The following CD200 variants were observed in gnomAD, a reference collection of about 807,000 sequenced individuals.
The protein encoded by CD200 is OX-2 membrane glycoprotein.
A neutral mutation model predicts 30.9 loss-of-function variants in CD200; 15 were observed. The observed-to-expected ratio is 0.49, with a 90% CI of 0.32 to 0.75. The LOEUF is 0.75. CD200 is among the 30% of genes least tolerant of loss of function. The probability of loss-of-function intolerance (pLI) is 0.03; values close to 1 mark genes in which losing one functional copy is unlikely to be tolerated. For synonymous variants in CD200, 134 were observed against 126.2 expected (o/e 1.06, Z -0.41); for missense variants, 262 against 324.2 (o/e 0.81, Z 1.47).
At chr3:112,349,090 G>C (rs368591579) in intron 4 of CD200, among the ~76,000 whole-genome samples, 1 of 152,138 alleles carries the variant, frequency 6.6e-6, no homozygotes, top group Non-Finnish European at 1.5e-5. Context: ...CCATTATGGA[G>C]GTATGGAGAA....
chr3:112,335,881 C>T (rs2081103863), intron 1 of CD200: 6 of 1,227,658 alleles, frequency 4.9e-6, no homozygotes, highest in East Asian at 2.3e-5. Flanking sequence ...ACAAGTTGGC[C>T]CCAAGAGAGC....
At chr3:112,333,992 G>T in intron 1 of CD200, 1 of 985,374 alleles carries the variant, frequency 1.0e-6, no homozygotes, top group Non-Finnish European at 1.2e-6. Context: ...TACAGTGAAT[G>T]CCTCAAGATA....
In CD200 at chr3:112,361,701, G is replaced by A. The variant is rs1232710250; in HGVS notation, c.*151G>A. The A allele has an allele frequency of 3.5e-5, 26 of 739,830 alleles. No homozygotes were observed. The highest frequency in any genetic ancestry group is 6.4e-5 in the Non-Finnish European group (26 of 407,824). The allele number at this position is 739,830 out of a possible 1,614,324, so 45.8% of individuals were successfully genotyped here. On this transcript the variant is annotated 3_prime_UTR_variant, in exon 6 of 6. Transcript: ENST00000315711. ...CTTAAGGATCCCACGACTTTTTACT[G>A]CCATCTGAGCTACTCAGTGTTTGAA...
intron 2 of CD200, among the ~76,000 whole-genome samples, chr3:112,342,883 C>T (rs1005956332): frequency 2.6e-5 from 4 of 152,118 alleles, no homozygotes; most frequent in South Asian, 2.1e-4. Flanking sequence ...CAAGGCCATA[C>T]GTAGGGTAGC....
At chr3:112,353,292 T>C (rs1377171724) in intron 5 of CD200, among the ~76,000 whole-genome samples, 1 of 148,718 alleles carries the variant, frequency 6.7e-6, no homozygotes, top group African/African-American at 2.5e-5. Flanking sequence ...TTAGGCAGCT[T>C]TATTTTGTTT....
At chr3:112,332,919 A>AAAAATG, upstream of CD200, 1 of 512,552 alleles carries the variant, frequency 2.0e-6, no homozygotes, top group Non-Finnish European at 3.4e-6. Context: ...TGGAAAAAAA[A>AAAAATG]AAATGATTTT....
Position 112,342,422 on chromosome 3 carries a change from TTTCTTTC to T in CD200, c.94+1444_94+1450del, listed in dbSNP as rs1559783616. On this transcript the variant is annotated intron_variant, in intron 2 of 5. Coordinates refer to ENST00000315711, the MANE Select transcript of CD200 (RefSeq NM_005944.7). Reference sequence around the variant, plus strand: ...CTTTCTTTCTTTCTTTCTTTCTTTCTTTCTTTCTTCTCTCTCTTTCTATGAAATTTCA... The same window carrying T: ...CTTTCTTTCTTTCTTTCTTTCTTTCTTTCTCTCTCTTTCTATGAAATTTCA... Among the ~76,000 whole-genome samples the T allele has an allele frequency of 1.2e-3, 112 of 90,084 alleles. 17 individuals are homozygous for T. Among genetic ancestry groups the T allele is most frequent in the African/African-American group, 4.4e-3 (108 of 24,334 alleles). The allele number at this position is 90,084 out of a possible 152,430, so 59.1% of individuals were successfully genotyped here.
At chr3:112,334,364 G>A in intron 1 of CD200, 6 of 431,940 alleles carry the variant, frequency 1.4e-5, no homozygotes, top group Non-Finnish European at 1.5e-5. Context: ...GGGCTTCTTT[G>A]TTTTCAGGAC....
chr3:112,360,333 A>AAAAAAAAATATATAT (rs879786648), intron 5 of CD200, among the ~76,000 whole-genome samples: 1 of 141,196 alleles, frequency 7.1e-6, no homozygotes, highest in African/African-American at 2.5e-5. Context: ...ATCTAAAAAA[A>AAAAAAAAATATATAT]ATATATATAT....
At chr3:112,339,929 C>T (rs2081200291) in intron 1 of CD200, among the ~76,000 whole-genome samples, 1 of 152,128 alleles carries the variant, frequency 6.6e-6, no homozygotes, top group African/African-American at 2.4e-5. Flanking sequence ...TGTGAACCCC[C>T]AGGAATGCAG....
intron 5 of CD200, among the ~76,000 whole-genome samples, chr3:112,350,557 A>T (rs1399197058): frequency 2.0e-5 from 3 of 152,238 alleles, no homozygotes; most frequent in Non-Finnish European, 2.9e-5. Flanking sequence ...AGCTAGATAG[A>T]GAGGAAGAAT....
chr3:112,351,493 G>A (rs1168396865), intron 5 of CD200, among the ~76,000 whole-genome samples: 1 of 152,094 alleles, frequency 6.6e-6, no homozygotes, highest in Non-Finnish European at 1.5e-5. Context: ...GATTTTCTGG[G>A]AAATATAGTC....
upstream of CD200, chr3:112,332,892 T>A (rs1253525678): frequency 7.5e-6 from 3 of 399,814 alleles, no homozygotes; most frequent in Non-Finnish European, 1.4e-5. Flanking sequence ...CCTTTCTCAG[T>A]CCAGGTAGCA....
rs552063267 is a variant in CD200 at position 112,361,584 on chromosome 3, G to T, written c.*34G>T. The stretch of plus-strand genomic sequence containing the variant: ...CACAGCACCCTGAAAGTGATTCCCT[G>T]GTCTACTTGAATTTGACACAAGAGA... On this transcript the variant is annotated 3_prime_UTR_variant, in exon 6 of 6. Transcript: ENST00000315711. 3 of 1,593,204 alleles carry T rather than the reference G, an allele frequency of 1.9e-6. No individual in the cohort carries two copies. The African/African-American group carries it at 4.0e-5, about 21-fold the overall frequency.
intron 1 of CD200, among the ~76,000 whole-genome samples, chr3:112,339,817 T>C (rs929453619): frequency 3.3e-5 from 5 of 152,234 alleles, no homozygotes; most frequent in African/African-American, 1.2e-4. Context: ...CACAAACTAA[T>C]GACAGTGATG....
chr3:112,333,361 T>C, intron 1 of CD200, 137 bp downstream of exon 1: 1 of 1,420,846 alleles, frequency 7.0e-7, no homozygotes, highest in South Asian at 1.5e-5. Context: ...ATCAGCGGTG[T>C]TGATGGCAGC....
At chr3:112,338,891 G>A (rs1486940106) in intron 1 of CD200, among the ~76,000 whole-genome samples, 1 of 152,198 alleles carries the variant, frequency 6.6e-6, no homozygotes, top group Non-Finnish European at 1.5e-5. Context: ...TCTGAAACCA[G>A]ACTGCCTGGG....
upstream of CD200, chr3:112,333,139 C>G: frequency 6.5e-7 from 1 of 1,543,150 alleles, no homozygotes; most frequent in South Asian, 1.2e-5. Context: ...AGGTGACGCT[C>G]CTCCCGCCTG....
At position 112,344,363 on chromosome 3, in the gene CD200, G is replaced by A. The variant is rs563715626; in HGVS notation, c.95-599G>A. The stretch of plus-strand genomic sequence containing the variant: ...CACCATAGCATTTAGTGAAAGCAGA[G>A]GGTGTGTAAATTATTATTTGTGTGC... On this transcript the variant is annotated intron_variant, in intron 2 of 5. Coordinates refer to ENST00000315711, the MANE Select transcript of CD200 (RefSeq NM_005944.7). Among the ~76,000 whole-genome samples the A allele has an allele frequency of 2.0e-5, 3 of 152,314 alleles. No homozygotes were observed. The South Asian group carries it at 6.2e-4, about 32-fold the overall frequency.
Sources: gnomAD v4.1 joint callset for allele counts (sites outside exome capture counted in the v4.1 genomes callset) on GRCh38, gnomAD v4.1.1 for gene constraint, MANE v1.5 for transcripts, NCBI Gene and HGNC (gene_info 2026-07-23, HGNC 2026-07-21) for gene names.